MYH15: variants seen among roughly 807,000 people sequenced by gnomAD.
The protein encoded by MYH15 is myosin heavy chain 15, also known as myosin-15.
MYH15 carries 227 observed loss-of-function variants against 240.5 expected under a neutral mutation model. The observed-to-expected ratio is 0.94, with a 90% CI of 0.85 to 1.05. MYH15 has a LOEUF of 1.05. MYH15 is among the 50% of genes least tolerant of loss of function. The pLI, the probability that MYH15 is intolerant of heterozygous loss-of-function variation, is 0.00. For synonymous variants in MYH15, 785 were observed against 796.7 expected, an observed-to-expected ratio of 0.99 and a Z score of 0.25; for missense variants, 2,217 against 2,247.5, an observed-to-expected ratio of 0.99 and a Z score of 0.27.
chr3:108,384,279 TG>T (rs1021464688), intron 39 of MYH15, among the ~76,000 whole-genome samples: 1 of 152,308 alleles, frequency 6.6e-6, no homozygotes, highest in Non-Finnish European at 1.5e-5. Context: ...CAATTTATGG[TG>T]GTTTTGTCCA....
At chr3:108,399,046 C>T in intron 34 of MYH15, 29 bp downstream of exon 34, 1 of 1,601,484 alleles carries the variant, frequency 6.2e-7, no homozygotes, top group Non-Finnish European at 8.5e-7. Context: ...TTCCACCCCT[C>T]CCTACCCCAT....
At chr3:108,533,943 T>C (rs1255300307), upstream of MYH15, among the ~76,000 whole-genome samples, 1 of 152,196 alleles carries the variant, frequency 6.6e-6, no homozygotes, top group Non-Finnish European at 1.5e-5. Context: ...GCTGAATCTA[T>C]AGATGAAGGG....
chr3:108,435,005 A>G (rs953320755), intron 25 of MYH15, among the ~76,000 whole-genome samples: 26 of 152,230 alleles, frequency 1.7e-4, no homozygotes, highest in African/African-American at 6.3e-4. Context: ...AATGGCCAGT[A>G]AACCAAATGG....
intron 27 of MYH15, among the ~76,000 whole-genome samples, chr3:108,422,329 T>C (rs1424188088): frequency 6.6e-6 from 1 of 151,972 alleles, no homozygotes; most frequent in Non-Finnish European, 1.5e-5. Context: ...GCGATTCTCC[T>C]GCCTCAGCCC....
Position 108,428,742 on chromosome 3 carries a change from G to A in MYH15, c.3452C>T (p.Ala1151Val). 6.2e-7 allele frequency: 1 copy of A among 1,613,854 alleles called. No individual in the cohort carries two copies. The highest frequency in any genetic ancestry group is 2.2e-5 in the East Asian group (1 of 44,852). The change falls in exon 27 of 41, where the codon GCT (alanine) becomes GTT (valine). Residue 1151 changes from alanine (A) to valine (V), a missense_variant. By Grantham distance (64) the Ala-to-Val change is moderately conservative. Coordinates refer to ENST00000693548, the MANE Select transcript of MYH15 (RefSeq NM_014981.3). ...CTGTTTCTTAGTTATTTCCAGCTGA[G>A]CCAAACTGGATCCTCCTACCTCCTC... ...RLEEVGGSSL[A>V]QLEITKKQET...
At position 108,455,787 on chromosome 3, in the gene MYH15, T is replaced by C; in HGVS notation, c.2211A>G (p.Leu737=). 6.2e-7 allele frequency: 1 copy of C among 1,613,750 alleles called. No individual in the cohort carries two copies. Among genetic ancestry groups the C allele is most frequent in the Admixed American group, 1.7e-5 (1 of 59,998 alleles). The change falls in exon 20 of 41, where the codon TTA becomes TTG. Residue 737 remains leucine (L), a synonymous_variant. Coordinates refer to ENST00000693548, the MANE Select transcript of MYH15 (RefSeq NM_014981.3). The part of the protein sequence containing the change: ...FVSSRKAAEE[L]LGSLEIDHTQ... ...TATGGTCTATCTCCAAGGAGCCAAG[T>C]AATTCTTCAGCTGCTTTTCTGCTGC...
At chr3:108,527,130 G>A (rs1243307210) in intron 1 of MYH15, among the ~76,000 whole-genome samples, 1 of 152,088 alleles carries the variant, frequency 6.6e-6, no homozygotes, top group Non-Finnish European at 1.5e-5. Context: ...CTTGGATGGG[G>A]CCTGAGAAGT....
chr3:108,492,561 CT>C lies in MYH15; in HGVS notation c.809del (p.Gln270ArgfsTer85), dbSNP rs781328039. Reference sequence around the variant, plus strand: ...ATATGTGGTAGTTCCTCTCTCCAGCCTGCTGGAAAATCACCCTGGACTTTTC... The same window carrying C: ...ATATGTGGTAGTTCCTCTCTCCAGCCGCTGGAAAATCACCCTGGACTTTTC... ...LLEKSRVIFQQAGERNYHIFY... is the reference protein window; with the variant it reads ...LLEKSRVIFQXAGERNYHIFY... On this transcript the variant is annotated frameshift_variant, in exon 9 of 41. Transcript: ENST00000693548. LOFTEE classifies it high-confidence loss of function. 1 of 1,613,642 alleles carries C rather than the reference CT, an allele frequency of 6.2e-7. No individual in the cohort carries two copies. The highest frequency in any genetic ancestry group is 2.2e-5 in the East Asian group (1 of 44,862).
chr3:108,546,386 A>ATTC, the MYH15 span, among the ~76,000 whole-genome samples: 1 of 152,200 alleles, frequency 6.6e-6, no homozygotes, highest in Non-Finnish European at 1.5e-5. Flanking sequence ...GATACTTAGA[A>ATTC]TAACAGTGAA....
chr3:108,435,499 T>C (rs763044215), intron 25 of MYH15, among the ~76,000 whole-genome samples: 6 of 152,040 alleles, frequency 3.9e-5, no homozygotes, highest in Admixed American at 6.6e-5. Context: ...GCAACCACTT[T>C]TCTATGAATT....
At chr3:108,381,635 C>G in intron 40 of MYH15, 76 bp from the exon 41 acceptor site, 2 of 1,533,444 alleles carry the variant, frequency 1.3e-6, no homozygotes, top group Non-Finnish European at 1.8e-6. Context: ...CAGAACCAAG[C>G]TGAGTCCCTT....
At chr3:108,402,721 G>A (rs937795838) in intron 33 of MYH15, among the ~76,000 whole-genome samples, 1 of 152,192 alleles carries the variant, frequency 6.6e-6, no homozygotes, top group African/African-American at 2.4e-5. Context: ...AAAGACCATG[G>A]CTGTGGACCA....
chr3:108,479,066 T>G (rs964512560), intron 11 of MYH15, among the ~76,000 whole-genome samples: 2 of 152,212 alleles, frequency 1.3e-5, no homozygotes, highest in African/African-American at 4.8e-5. Flanking sequence ...TTCCAAAAAG[T>G]AAATTACTTC....
At chr3:108,507,263 A>G (rs13063835) in intron 1 of MYH15, among the ~76,000 whole-genome samples, 6 of 48,130 alleles carry the variant, frequency 1.2e-4, no homozygotes, top group South Asian at 7.7e-4. Flanking sequence ...ATATATATAT[A>G]TATATATATA....
intron 11 of MYH15, among the ~76,000 whole-genome samples, chr3:108,477,255 A>G (rs2083229199): frequency 6.6e-6 from 1 of 152,152 alleles, no homozygotes; most frequent in Admixed American, 6.6e-5. Context: ...ATTTCTATGA[A>G]CTGTTCAGAA....
intron 34 of MYH15, 91 bp from the exon 35 acceptor site, chr3:108,398,931 A>G: frequency 6.9e-7 from 1 of 1,454,660 alleles, no homozygotes; most frequent in African/African-American, 1.4e-5. Flanking sequence ...CTATATATTT[A>G]GACATAAGCA....
At position 108,380,974 on chromosome 3, in the gene MYH15, T is replaced by C. The variant is rs2082337965; in HGVS notation, c.*571A>G. On this transcript the variant is annotated 3_prime_UTR_variant, in exon 41 of 41. Coordinates refer to ENST00000693548, the MANE Select transcript of MYH15 (RefSeq NM_014981.3). Reference sequence around the variant, plus strand: ...CATGTTTAAAGCATGTACCAGCATATAGCCTACATGTGTGTTGATTAGGAG... The same window carrying C: ...CATGTTTAAAGCATGTACCAGCATACAGCCTACATGTGTGTTGATTAGGAG... 6.5e-6 allele frequency: 1 copy of C among 153,450 alleles called. No homozygotes were observed. 9.5% of individuals were successfully genotyped at this position (153,450 alleles called of 1,614,324 possible).
intron 9 of MYH15, among the ~76,000 whole-genome samples, chr3:108,490,780 T>C (rs1229642892): frequency 1.3e-5 from 2 of 152,182 alleles, no homozygotes; most frequent in East Asian, 3.8e-4. Context: ...TCATCTAAAA[T>C]AGAACTATCC....
At chr3:108,517,640 G>C (rs981448743) in intron 1 of MYH15, among the ~76,000 whole-genome samples, 3 of 151,836 alleles carry the variant, frequency 2.0e-5, no homozygotes, top group Non-Finnish European at 4.4e-5. Context: ...GCTAATTTTT[G>C]TATTTTTAGT....
Sources: allele counts gnomAD v4.1 joint callset (sites outside exome capture counted in the v4.1 genomes callset), GRCh38; gene constraint gnomAD v4.1.1; transcripts MANE v1.5; gene names NCBI Gene and HGNC (gene_info 2026-07-23, HGNC 2026-07-21).